GRIN3A: variants seen among roughly 807,000 people sequenced by gnomAD.
The protein encoded by GRIN3A is glutamate ionotropic receptor NMDA type subunit 3A, also known as glutamate receptor ionotropic, NMDA 3A.
GRIN3A carries 47 observed loss-of-function variants against 92.4 expected under a neutral mutation model. The observed-to-expected ratio is 0.51, with a 90% CI of 0.40 to 0.65. The LOEUF (loss-of-function observed/expected upper bound fraction) is 0.65, where lower values mean the gene tolerates loss of function less well. Ranked by LOEUF, GRIN3A falls within the 30% of genes least tolerant of loss-of-function variation. The probability of loss-of-function intolerance (pLI) is 0.00; values close to 1 mark genes in which losing one functional copy is unlikely to be tolerated. For synonymous variants in GRIN3A, 527 were observed against 540.6 expected (o/e 0.97, Z 0.35); for missense variants, 1,324 against 1,393.1 (o/e 0.95, Z 0.79).
intron 1 of GRIN3A, among the ~76,000 whole-genome samples, chr9:101,735,155 A>G (rs920208575): frequency 8.4e-6 from 1 of 118,424 alleles, no homozygotes; most frequent in Non-Finnish European, 2.0e-5. Context: ...TAAATGAGAT[A>G]CCAAAAGTAA....
rs560721892 is a variant in GRIN3A, at chr9:101,737,217, C to T, written c.699+64G>A. On this transcript the variant is annotated intron_variant, in intron 1 of 8. Transcript: ENST00000361820. Reference sequence around the variant, plus strand: ...ACTTTACCAAGCCGTTTTCTCTCCCCTCATGCAATGGCCCCGGCCCCCAGC... The same window carrying T: ...ACTTTACCAAGCCGTTTTCTCTCCCTTCATGCAATGGCCCCGGCCCCCAGC... 48 of 1,373,172 alleles carry T rather than the reference C, an allele frequency of 3.5e-5. No individual in the cohort carries two copies. In the African/African-American group the frequency reaches 4.4e-4, roughly 13 times the overall value. 85.1% of individuals were successfully genotyped at this position (1,373,172 alleles called of 1,614,324 possible).
intron 2 of GRIN3A, among the ~76,000 whole-genome samples, chr9:101,673,007 T>C (rs924288707): frequency 2.0e-5 from 3 of 152,134 alleles, no homozygotes; most frequent in Non-Finnish European, 4.4e-5. Context: ...AACACACACA[T>C]ATACATACTT....
intron 5 of GRIN3A, among the ~76,000 whole-genome samples, chr9:101,614,410 A>G (rs1465258759): frequency 1.3e-5 from 2 of 152,160 alleles, no homozygotes; most frequent in Non-Finnish European, 2.9e-5. Flanking sequence ...ATTTGCACAG[A>G]TGGAATATTA....
At chr9:101,658,167 G>T (rs1829116061) in intron 3 of GRIN3A, among the ~76,000 whole-genome samples, 1 of 151,902 alleles carries the variant, frequency 6.6e-6, no homozygotes, top group Non-Finnish European at 1.5e-5. Flanking sequence ...TATGGCTTTG[G>T]ACAAGTCATC....
At chr9:101,641,657 C>G (rs1444814156) in intron 3 of GRIN3A, among the ~76,000 whole-genome samples, 1 of 151,784 alleles carries the variant, frequency 6.6e-6, no homozygotes, top group Non-Finnish European at 1.5e-5. Context: ...GGAGGGATAG[C>G]ATTAGGAGAT....
intron 3 of GRIN3A, among the ~76,000 whole-genome samples, chr9:101,663,951 A>G (rs964858630): frequency 5.3e-5 from 8 of 151,798 alleles, no homozygotes; most frequent in Non-Finnish European, 1.2e-4. Context: ...AAATCAGCAA[A>G]TAGCTAATTT....
chr9:101,622,472 G>C (rs1367264154), intron 5 of GRIN3A, among the ~76,000 whole-genome samples: 2 of 152,192 alleles, frequency 1.3e-5, no homozygotes, highest in Non-Finnish European at 2.9e-5. Context: ...CCGTCATTCA[G>C]AATGAAAGGA....
chr9:101,571,421 A>T lies in GRIN3A; in HGVS notation c.*1753T>A, dbSNP rs1349652740. ...GAGGGAGAAGTTTTGTGACTGAGAC[A>T]CCTTTCCAGTGATCTCCAGCTGTAA... On this transcript the variant is annotated 3_prime_UTR_variant, in exon 9 of 9. Coordinates refer to ENST00000361820, the MANE Select transcript of GRIN3A (RefSeq NM_133445.3). 1 of 152,142 alleles carries T rather than the reference A, an allele frequency of 6.6e-6. No individual in the cohort carries two copies. Among genetic ancestry groups the T allele is most frequent in the Non-Finnish European group, 1.5e-5 (1 of 68,030 alleles). 9.4% of individuals were successfully genotyped at this position (152,142 alleles called of 1,614,324 possible).
chr9:101,592,432 C>T (rs1004338148), intron 6 of GRIN3A: 11 of 152,018 alleles, frequency 7.2e-5, no homozygotes, highest in African/African-American at 2.7e-4. Context: ...TCAAAATAAC[C>T]CTGGGGTGGA....
chr9:101,643,840 C>CA (rs201540945), intron 3 of GRIN3A, among the ~76,000 whole-genome samples: 11 of 149,760 alleles, frequency 7.3e-5, no homozygotes, highest in African/African-American at 2.2e-4. Context: ...TATGTGGAAT[C>CA]AAAAAAAAAT....
At chr9:101,609,013 T>A (rs541861429) in intron 6 of GRIN3A, among the ~76,000 whole-genome samples, 1 of 152,276 alleles carries the variant, frequency 6.6e-6, no homozygotes, top group Admixed American at 6.5e-5. Context: ...AGTGGTTGGA[T>A]TCTTATTCAA....
At chr9:101,713,016 A>C (rs1328462660) in intron 1 of GRIN3A, among the ~76,000 whole-genome samples, 2 of 152,198 alleles carry the variant, frequency 1.3e-5, no homozygotes, top group Non-Finnish European at 2.9e-5. Context: ...AGTAATTGGC[A>C]GAGATGGGAT....
Position 101,628,236 on chromosome 9 carries a change from T to C in GRIN3A, c.2498+20A>G, listed in dbSNP as rs1475336774. On this transcript the variant is annotated intron_variant, in intron 4 of 8. Coordinates refer to ENST00000361820, the MANE Select transcript of GRIN3A (RefSeq NM_133445.3). ...TCTTCAGTGAGAATTTTTCTTTGGA[T>C]CCAAGAGGTTGACACTCACTTCAGA... The C allele has an allele frequency of 1.2e-6, 2 of 1,613,504 alleles. No homozygotes were observed. The highest frequency in any genetic ancestry group is 1.1e-5 in the South Asian group (1 of 91,064).
At position 101,738,060 on chromosome 9, in the gene GRIN3A, TC is replaced by T; in HGVS notation, c.-82del. 1 of 1,211,052 alleles carries T rather than the reference TC, an allele frequency of 8.3e-7. No homozygotes were observed. Among genetic ancestry groups the T allele is most frequent in the Non-Finnish European group, 1.2e-6 (1 of 852,622 alleles). 75.0% of individuals were successfully genotyped at this position (1,211,052 alleles called of 1,614,324 possible). On this transcript the variant is annotated 5_prime_UTR_variant, in exon 1 of 9. Coordinates refer to ENST00000361820, the MANE Select transcript of GRIN3A (RefSeq NM_133445.3). Reference sequence around the variant, plus strand: ...GCAGCCGCTGCCTGAGGTCTCCGCCTCCAGGTCCCGCGCGCAGCTTCACTCC... The same window carrying T: ...GCAGCCGCTGCCTGAGGTCTCCGCCTCAGGTCCCGCGCGCAGCTTCACTCC...
intron 6 of GRIN3A, among the ~76,000 whole-genome samples, chr9:101,606,906 A>ATTTTTTTTTTT (rs536780165): frequency 3.8e-4 from 33 of 86,208 alleles, no homozygotes; most frequent in South Asian, 4.6e-4. Context: ...AAAAAATTAC[A>ATTTTTTTTTTT]TTTTTTTTTT....
intron 3 of GRIN3A, among the ~76,000 whole-genome samples, chr9:101,633,283 T>A (rs926369722): frequency 1.3e-5 from 2 of 152,216 alleles, no homozygotes; most frequent in Non-Finnish European, 2.9e-5. Context: ...CCTGGTATTA[T>A]GTTCTTTGGA....
intron 3 of GRIN3A, among the ~76,000 whole-genome samples, chr9:101,660,665 A>G (rs1446051446): frequency 6.6e-6 from 1 of 151,834 alleles, no homozygotes; most frequent in Non-Finnish European, 1.5e-5. Flanking sequence ...GAGGCTAAGT[A>G]ACTTGCAGAG....
chr9:101,673,796 AG>A (rs1411270690), intron 2 of GRIN3A, among the ~76,000 whole-genome samples: 1 of 152,112 alleles, frequency 6.6e-6, no homozygotes, highest in Non-Finnish European at 1.5e-5. Flanking sequence ...CTAGAGTTAC[AG>A]GGATGAAAGA....
chr9:101,662,800 A>C (rs1163407651), intron 3 of GRIN3A, among the ~76,000 whole-genome samples: 1 of 151,816 alleles, frequency 6.6e-6, no homozygotes, highest in Non-Finnish European at 1.5e-5. Flanking sequence ...TACATTAACA[A>C]ATTTTTTCTT....
Sources: allele counts gnomAD v4.1 joint callset (sites outside exome capture counted in the v4.1 genomes callset), GRCh38; gene constraint gnomAD v4.1.1; transcripts MANE v1.5; gene names NCBI Gene and HGNC (gene_info 2026-07-23, HGNC 2026-07-21).